DYNLL1: variants seen among roughly 807,000 people sequenced by gnomAD.
DYNLL1 encodes the protein dynein light chain 1, cytoplasmic.
In DYNLL1, 3 loss-of-function variants were observed where a neutral mutation model predicts 10.1. That is an observed-to-expected ratio of 0.30 (90% CI 0.14 to 0.77). The LOEUF (loss-of-function observed/expected upper bound fraction) is 0.77, where lower values mean the gene tolerates loss of function less well. DYNLL1 is among the 30% of genes least tolerant of loss of function. The pLI, the probability that DYNLL1 is intolerant of heterozygous loss-of-function variation, is 0.66. For synonymous variants in DYNLL1, 46 were observed against 41.2 expected, an observed-to-expected ratio of 1.12 and a Z score of -0.45; for missense variants, 47 against 111.7, an observed-to-expected ratio of 0.42 and a Z score of 2.61.
chr12:120,484,972 G>T (rs1435091649), intron 1 of DYNLL1, among the ~76,000 whole-genome samples: 1 of 152,068 alleles, frequency 6.6e-6, no homozygotes, highest in Non-Finnish European at 1.5e-5. Context: ...ACTTCTGACC[G>T]CAAGTGATCC....
chr12:120,478,650 G>A (rs1470532049), intron 1 of DYNLL1, among the ~76,000 whole-genome samples: 34 of 149,182 alleles, frequency 2.3e-4, no homozygotes, highest in Middle Eastern at 3.2e-3. Context: ...TCAGGAGTTC[G>A]AGACCAGCCT....
At chr12:120,496,374 C>T in intron 1 of DYNLL1, 42 bp from the exon 2 acceptor site, 1 of 1,610,224 alleles carries the variant, frequency 6.2e-7, no homozygotes, top group African/African-American at 1.3e-5. Flanking sequence ...GCCTGGGGGG[C>T]GCGGCCCAAC....
At chr12:120,492,333 C>T (rs1306207523), upstream of DYNLL1, among the ~76,000 whole-genome samples, 4 of 152,134 alleles carry the variant, frequency 2.6e-5, no homozygotes, top group Admixed American at 6.5e-5. The surrounding 1 kb of genome is among the most constrained non-coding windows in gnomAD (Gnocchi z 4.1). Flanking sequence ...CAGGAACCTA[C>T]GAGGTGGGTG....
rs1328103262 is a variant in DYNLL1, at chr12:120,496,230, G to C, written c.-7+14G>C. The C allele has an allele frequency of 1.2e-6, 1 of 809,710 alleles. No homozygotes were observed. Among genetic ancestry groups the C allele is most frequent in the Non-Finnish European group, 1.9e-6 (1 of 519,236 alleles). 50.2% of individuals were successfully genotyped at this position (809,710 alleles called of 1,614,324 possible). Reference sequence around the variant, plus strand: ...CCCTTCTCCACGGTGAGAAACTCGGGGGGCCAGGGGGTGTCCTCGCTGCCT... The same window carrying C: ...CCCTTCTCCACGGTGAGAAACTCGGCGGGCCAGGGGGTGTCCTCGCTGCCT... On this transcript the variant is annotated intron_variant, in intron 1 of 2. Transcript: ENST00000242577.
intron 1 of DYNLL1, among the ~76,000 whole-genome samples, chr12:120,473,692 CAAAAAAAAAAA>C (rs1227211097): frequency 1.3e-4 from 10 of 75,448 alleles, no homozygotes; most frequent in Non-Finnish European, 1.4e-4. Context: ...GACTCTGTCT[CAAAAAAAAAAA>C]AAAAAAAAAA....
exon 1 of DYNLL1, chr12:120,469,871 C>A (rs1878602122): frequency 1.2e-5 from 3 of 245,798 alleles, no homozygotes; most frequent in Non-Finnish European, 2.3e-5. Flanking sequence ...GAGCCTGGGG[C>A]CGGGCCGTGT....
rs750114378 is a variant in DYNLL1, at chr12:120,498,067, T to C, written c.133-6T>C. 5.6e-6 allele frequency: 9 copies of C among 1,612,260 alleles called. No homozygotes were observed. Among genetic ancestry groups the C allele is most frequent in the African/African-American group, 1.3e-5 (1 of 74,780 alleles). On this transcript the variant is annotated splice_polypyrimidine_tract_variant and splice_region_variant and intron_variant, in intron 2 of 2. Coordinates refer to ENST00000242577, the MANE Select transcript of DYNLL1 (RefSeq NM_003746.3). ...AATCCTAGTTCTTTTCTTTTGTCTTTTCCAGGAATTTGACAAGAAGTACAA... is the reference window on the plus strand; with the variant it reads ...AATCCTAGTTCTTTTCTTTTGTCTTCTCCAGGAATTTGACAAGAAGTACAA...
chr12:120,480,902 G>A lies in DYNLL1; in HGVS notation c.-7+10798G>A, dbSNP rs902883844. 9.3e-4 allele frequency among the ~76,000 whole-genome samples: 141 copies of A among 152,028 alleles called. 1 individual carries two copies. The highest frequency in any genetic ancestry group is 3.1e-3 in the African/African-American group (130 of 41,474). ...AGCCTCCCGAGTAGCTGGGACTACA[G>A]GCGCCCGCCACCATGCCCAGCTAAT... On this transcript the variant is annotated intron_variant, in intron 1 of 2. Transcript: ENST00000392509.
intron 1 of DYNLL1, 52 bp from the exon 2 acceptor site, chr12:120,496,364 G>T: frequency 6.2e-7 from 1 of 1,609,180 alleles, no homozygotes; most frequent in Non-Finnish European, 8.5e-7. Flanking sequence ...GGCAGTTAGT[G>T]CCTGGGGGGC....
At chr12:120,475,921 A>G (rs1300201300) in intron 1 of DYNLL1, among the ~76,000 whole-genome samples, 1 of 152,200 alleles carries the variant, frequency 6.6e-6, no homozygotes, top group African/African-American at 2.4e-5. Flanking sequence ...GCTCCAGAAA[A>G]GTGGAACTGA....
At chr12:120,497,419 A>T (rs1868485941) in intron 2 of DYNLL1, 1 of 152,580 alleles carries the variant, frequency 6.6e-6, no homozygotes, top group Admixed American at 6.5e-5. Context: ...GATTAGCATC[A>T]TCCGGATAGA....
intron 1 of DYNLL1, among the ~76,000 whole-genome samples, chr12:120,471,036 CTG>C (rs1237047660): frequency 1.3e-5 from 2 of 149,522 alleles, no homozygotes; most frequent in South Asian, 2.1e-4. Context: ...CAGAGTGAGA[CTG>C]TCTCAAAAAT....
chr12:120,496,657 G>C, intron 2 of DYNLL1, 104 bp downstream of exon 2: 1 of 1,594,098 alleles, frequency 6.3e-7, no homozygotes, highest in Non-Finnish European at 8.6e-7. Flanking sequence ...AATACTGCTG[G>C]CGGCTTGGGG....
intron 1 of DYNLL1, 82 bp from the exon 2 acceptor site, chr12:120,496,334 G>T: frequency 6.3e-7 from 1 of 1,576,104 alleles, no homozygotes; most frequent in Non-Finnish European, 8.6e-7. Context: ...TCGTCCCGTG[G>T]TGGCGCCGGC....
chr12:120,470,798 A>G (rs943913108), intron 1 of DYNLL1, among the ~76,000 whole-genome samples: 2 of 151,812 alleles, frequency 1.3e-5, no homozygotes, highest in Non-Finnish European at 2.9e-5. Flanking sequence ...TAATCCCAAC[A>G]CTTTGAGAGG....
At chr12:120,477,864 T>TCAGCTCACTGCAGC (rs1272392337) in intron 1 of DYNLL1, among the ~76,000 whole-genome samples, 8 of 152,082 alleles carry the variant, frequency 5.3e-5, no homozygotes, top group Non-Finnish European at 1.0e-4. Flanking sequence ...TGGTGCGATG[T>TCAGCTCACTGCAGC]CAGCTCACTG....
chr12:120,482,232 G>C (rs1420490903), intron 1 of DYNLL1, among the ~76,000 whole-genome samples: 2 of 152,160 alleles, frequency 1.3e-5, no homozygotes, highest in African/African-American at 4.8e-5. Flanking sequence ...CCAGGAGTTT[G>C]AGGCTATAAT....
intron 2 of DYNLL1, chr12:120,496,878 G>C (rs556597420): frequency 8.9e-5 from 47 of 530,296 alleles, no homozygotes; most frequent in African/African-American, 6.3e-4. Flanking sequence ...TGTTCCGGAG[G>C]GGGGAGCTGC....
chr12:120,496,088 G>A (rs1322901773), upstream of DYNLL1: 7 of 408,188 alleles, frequency 1.7e-5, no homozygotes, highest in East Asian at 3.5e-4. Context: ...AGCACTAGGC[G>A]GCGGCGGCTG....
Sources: allele counts gnomAD v4.1 joint callset (sites outside exome capture counted in the v4.1 genomes callset), GRCh38; gene constraint gnomAD v4.1.1; non-coding constraint Gnocchi (gnomAD v3.1); transcripts MANE v1.5; gene names NCBI Gene and HGNC (gene_info 2026-07-23, HGNC 2026-07-21).